Variants in GPD2 observed in about 807,000 individuals in gnomAD.
GPD2 encodes the protein glycerol-3-phosphate dehydrogenase, mitochondrial.
In GPD2, 54 loss-of-function variants were observed where a neutral mutation model predicts 82.4. That is an observed-to-expected ratio of 0.66 (90% confidence interval 0.53 to 0.82). The LOEUF is 0.82. GPD2 is among the 40% of genes least tolerant of loss of function. The probability of loss-of-function intolerance (pLI) is 0.00; values close to 1 mark genes in which losing one functional copy is unlikely to be tolerated. For synonymous variants in GPD2, 288 were observed against 306.1 expected, an observed-to-expected ratio of 0.94 and a Z score of 0.62; for missense variants, 748 against 896.2, an observed-to-expected ratio of 0.83 and a Z score of 2.11.
chr2:156,562,491 T>C (rs186649722), intron 9 of GPD2, among the ~76,000 whole-genome samples: 271 of 152,322 alleles, frequency 1.8e-3, no homozygotes, highest in South Asian at 9.3e-3. Context: ...TAGAGAAGTA[T>C]TGATTTCTGA....
chr2:156,467,174 G>A (rs184973000), intron 1 of GPD2, among the ~76,000 whole-genome samples: 5 of 152,066 alleles, frequency 3.3e-5, no homozygotes, highest in Admixed American at 3.3e-4. Context: ...CTTGGGCTGG[G>A]GTGGGCCCTT....
the GPD2 span, among the ~76,000 whole-genome samples, chr2:156,405,361 C>G: frequency 6.6e-6 from 1 of 152,086 alleles, no homozygotes; most frequent in Non-Finnish European, 1.5e-5. Flanking sequence ...GAAATCAAGG[C>G]TACAGAAGTG....
Position 156,585,960 on chromosome 2 carries a change from T to A in GPD2, c.*3042T>A, listed in dbSNP as rs1472178105. 2.0e-5 allele frequency: 3 copies of A among 152,452 alleles called. No homozygotes were observed. In the Admixed American group the frequency reaches 2.0e-4, roughly 10 times the overall value. The allele number at this position is 152,452 out of a possible 1,614,324, so 9.4% of individuals were successfully genotyped here. On this transcript the variant is annotated 3_prime_UTR_variant, in exon 17 of 17. Coordinates refer to ENST00000438166, the MANE Select transcript of GPD2 (RefSeq NM_000408.5). ...GTTGGGTTATTGTTCTAGACTGGAC[T>A]GTTAAATACTATGTTTGAGGCTGGG...
chr2:156,538,844 G>C (rs915843011), intron 6 of GPD2, among the ~76,000 whole-genome samples: 1 of 141,230 alleles, frequency 7.1e-6, no homozygotes, highest in Non-Finnish European at 1.5e-5. Flanking sequence ...AAAAAGATCA[G>C]GATTTTGCCT....
intron 1 of GPD2, among the ~76,000 whole-genome samples, chr2:156,459,686 C>CAAAAAAAAATAA (rs1553465802): frequency 7.7e-5 from 3 of 38,788 alleles, no homozygotes; most frequent in Non-Finnish European, 1.4e-4. Context: ...GACTCCGTCT[C>CAAAAAAAAATAA]AAAAAAAAAA....
At chr2:156,425,376 C>T in the GPD2 span, among the ~76,000 whole-genome samples, 2 of 152,100 alleles carry the variant, frequency 1.3e-5, no homozygotes, top group African/African-American at 4.8e-5. Flanking sequence ...CATGCCTGAC[C>T]TGCATTTATC....
chr2:156,484,466 A>G (rs568779203), intron 2 of GPD2, among the ~76,000 whole-genome samples: 12 of 152,348 alleles, frequency 7.9e-5, no homozygotes, highest in African/African-American at 2.4e-4. Flanking sequence ...AGGAAATGCT[A>G]TAAAAACGAA....
the GPD2 span, among the ~76,000 whole-genome samples, chr2:156,405,282 T>G: frequency 1.2e-4 from 19 of 152,276 alleles, 1 homozygote; most frequent in African/African-American, 4.6e-4. Flanking sequence ...AAAGCGCTCA[T>G]TTTTGGAAAT....
At chr2:156,577,019 A>G (rs1366271765) in intron 13 of GPD2, among the ~76,000 whole-genome samples, 2 of 152,222 alleles carry the variant, frequency 1.3e-5, no homozygotes, top group Non-Finnish European at 2.9e-5. Context: ...TGAGATACAC[A>G]TGCACACATA....
chr2:156,464,958 C>G (rs915516319), intron 1 of GPD2, among the ~76,000 whole-genome samples: 2 of 151,948 alleles, frequency 1.3e-5, no homozygotes, highest in African/African-American at 2.4e-5. Context: ...TCAAGTGATT[C>G]TCCTGCCTCA....
the GPD2 span, among the ~76,000 whole-genome samples, chr2:156,425,602 G>A: frequency 6.6e-6 from 1 of 152,104 alleles, no homozygotes; most frequent in African/African-American, 2.4e-5. Context: ...TAGAAGTGAT[G>A]GTGCAGACTT....
At chr2:156,439,518 AAAAAAAAAAAAAAAAAAAAAAC>A (rs1298861972) in intron 1 of GPD2, among the ~76,000 whole-genome samples, 95 of 69,512 alleles carry the variant, frequency 1.4e-3, no homozygotes, top group African/African-American at 3.6e-3. Flanking sequence ...TCTCAGAAAA[AAAAAAAAAAAAAAAAAAAAAAC>A]AAAAAAAAAA....
upstream of GPD2, among the ~76,000 whole-genome samples, chr2:156,431,373 T>G (rs1688314973): frequency 6.6e-6 from 1 of 152,258 alleles, no homozygotes. Flanking sequence ...CCACTTAGTC[T>G]TCCTACACTT....
intron 6 of GPD2, among the ~76,000 whole-genome samples, chr2:156,540,659 C>A (rs1686272713): frequency 6.6e-6 from 1 of 152,186 alleles, no homozygotes; most frequent in Non-Finnish European, 1.5e-5. Flanking sequence ...AAAATGAAGT[C>A]CTCTGTAGTA....
intron 6 of GPD2, among the ~76,000 whole-genome samples, chr2:156,532,252 TCACCTTGGCCTCC>T (rs1312337163): frequency 6.6e-6 from 1 of 152,184 alleles, no homozygotes; most frequent in African/African-American, 2.4e-5. Flanking sequence ...AGTTGTCCTC[TCACCTTGGCCTCC>T]CAAAGTGCTG....
chr2:156,458,994 C>A (rs1682884919), intron 1 of GPD2, among the ~76,000 whole-genome samples: 1 of 109,452 alleles, frequency 9.1e-6, no homozygotes, highest in Non-Finnish European at 1.8e-5. Context: ...TGTACATATA[C>A]TTTAAAATAG....
the GPD2 span, among the ~76,000 whole-genome samples, chr2:156,400,588 G>C: frequency 6.6e-6 from 1 of 152,256 alleles, no homozygotes; most frequent in African/African-American, 2.4e-5. Flanking sequence ...TTCGTTGCCA[G>C]CTCGTTGCGC....
chr2:156,506,590 A>T (rs1253175982), intron 3 of GPD2, among the ~76,000 whole-genome samples: 2 of 143,030 alleles, frequency 1.4e-5, no homozygotes, highest in East Asian at 2.0e-4. Context: ...TTGGGAAATT[A>T]AAAAAAAAAA....
At chr2:156,537,841 A>G (rs139732654) in intron 6 of GPD2, among the ~76,000 whole-genome samples, 50 of 152,320 alleles carry the variant, frequency 3.3e-4, no homozygotes, top group African/African-American at 1.2e-3. Flanking sequence ...TACAGATTAG[A>G]ATCAAACTGT....
Sources: allele counts gnomAD v4.1 joint callset (sites outside exome capture counted in the v4.1 genomes callset), GRCh38; gene constraint gnomAD v4.1.1; transcripts MANE v1.5; gene names NCBI Gene and HGNC (gene_info 2026-07-23, HGNC 2026-07-21).